The following CCDC7 variants were observed in gnomAD, a reference collection of about 807,000 sequenced individuals.
The protein encoded by CCDC7 is coiled-coil domain containing 7.
In CCDC7, 183 loss-of-function variants were observed where a neutral mutation model predicts 196.9. The observed-to-expected ratio is 0.93, with a 90% CI of 0.82 to 1.05. The LOEUF (loss-of-function observed/expected upper bound fraction) is 1.05. CCDC7 is among the 50% of genes least tolerant of loss of function. CCDC7 has a pLI of 0.00. For missense variants in CCDC7, 1,540 were observed against 1,482.2 expected, an observed-to-expected ratio of 1.04 and a Z score of -0.64; for synonymous variants, 525 against 484.6, an observed-to-expected ratio of 1.08 and a Z score of -1.10.
chr10:32,850,947 C>T (rs887465921), intron 39 of CCDC7, among the ~76,000 whole-genome samples: 3 of 151,992 alleles, frequency 2.0e-5, no homozygotes, highest in Non-Finnish European at 2.9e-5. Context: ...ACCTATTTCA[C>T]CCTTCAATAG....
At position 32,505,922 on chromosome 10, in the gene CCDC7, G is replaced by A. The variant is rs189377609; in HGVS notation, c.873-12023G>A. On this transcript the variant is annotated intron_variant, in intron 9 of 41. Transcript: ENST00000639629. ...CTCCTTGCCTCCCAGACAGGGTGGC[G>A]GCCGGGCAGAGGTGCTCCTCACATC... 2.6e-3 allele frequency among the ~76,000 whole-genome samples: 380 copies of A among 148,314 alleles called. 9 individuals carry two copies. The East Asian group carries it at 0.057, about 22-fold the overall frequency.
intron 28 of CCDC7, among the ~76,000 whole-genome samples, chr10:32,761,504 A>G (rs1317435017): frequency 2.0e-5 from 3 of 151,996 alleles, no homozygotes; most frequent in African/African-American, 4.8e-5. Flanking sequence ...TACTCTTATT[A>G]TGTTAGACAA....
At chr10:32,747,916 T>G (rs1488788717) in intron 28 of CCDC7, among the ~76,000 whole-genome samples, 1 of 152,196 alleles carries the variant, frequency 6.6e-6, no homozygotes, top group Admixed American at 6.5e-5. Context: ...TGCATGTGCA[T>G]GTTCATCACA....
chr10:32,565,753 A>G (rs1368946072), intron 14 of CCDC7, 133 bp downstream of exon 15: 2 of 877,820 alleles, frequency 2.3e-6, no homozygotes, highest in African/African-American at 1.7e-5. Context: ...GGTTTAAACT[A>G]TATTCATTTT....
At chr10:32,475,764 C>T (rs1241754766) in intron 8 of CCDC7, among the ~76,000 whole-genome samples, 1 of 152,166 alleles carries the variant, frequency 6.6e-6, no homozygotes, top group South Asian at 2.1e-4. Flanking sequence ...ATCCTCTCTT[C>T]CCTTCCTGTT....
intron 18 of CCDC7, among the ~76,000 whole-genome samples, chr10:32,608,646 T>A (rs2061778260): frequency 6.6e-6 from 1 of 152,142 alleles, no homozygotes; most frequent in Non-Finnish European, 1.5e-5. Flanking sequence ...GCTGAAGCAA[T>A]TCTCTTGCCT....
At chr10:32,493,786 T>A (rs1265745578) in intron 9 of CCDC7, among the ~76,000 whole-genome samples, 1 of 152,170 alleles carries the variant, frequency 6.6e-6, no homozygotes, top group Non-Finnish European at 1.5e-5. Flanking sequence ...TACTTTTCCT[T>A]GATGATTAGT....
At chr10:32,602,814 G>A (rs2061198104) in intron 18 of CCDC7, among the ~76,000 whole-genome samples, 1 of 151,900 alleles carries the variant, frequency 6.6e-6, no homozygotes, top group Non-Finnish European at 1.5e-5. Flanking sequence ...TCTTTTTTTA[G>A]CTTGTAAATG....
chr10:32,560,277 A>G (rs932968864), intron 13 of CCDC7, among the ~76,000 whole-genome samples: 27 of 152,242 alleles, frequency 1.8e-4, no homozygotes, highest in Non-Finnish European at 4.4e-5. Context: ...AACTTCCCCA[A>G]TCTAGCAAGG....
At chr10:32,683,693 C>T (rs2076124828) in intron 21 of CCDC7, among the ~76,000 whole-genome samples, 1 of 152,128 alleles carries the variant, frequency 6.6e-6, no homozygotes, top group Non-Finnish European at 1.5e-5. Flanking sequence ...ATCTTTCACC[C>T]TGCTGGTGAG....
chr10:32,736,688 A>T (rs2084926148), intron 28 of CCDC7, among the ~76,000 whole-genome samples: 2 of 152,190 alleles, frequency 1.3e-5, no homozygotes, highest in Admixed American at 6.5e-5. Flanking sequence ...TGTGAATAGT[A>T]TTGTGTGTTT....
intron 32 of CCDC7, among the ~76,000 whole-genome samples, chr10:32,831,968 AT>A (rs1477877319): frequency 2.6e-5 from 4 of 152,334 alleles, no homozygotes; most frequent in Middle Eastern, 6.8e-3. Context: ...ACTTTTATAT[AT>A]CTGGCAGCAG....
chr10:32,548,436 A>G (rs1424289589), intron 13 of CCDC7, among the ~76,000 whole-genome samples: 1 of 151,958 alleles, frequency 6.6e-6, no homozygotes, highest in African/African-American at 2.4e-5. Flanking sequence ...CCAGGGAAAC[A>G]TATGTGAACT....
intron 21 of CCDC7, among the ~76,000 whole-genome samples, chr10:32,671,005 T>C (rs920652903): frequency 5.3e-5 from 8 of 151,876 alleles, no homozygotes; most frequent in African/African-American, 1.9e-4. Flanking sequence ...TACAAAAGAG[T>C]AAAAAAGTAA....
intron 23 of CCDC7, among the ~76,000 whole-genome samples, chr10:32,694,310 G>T (rs1229502105): frequency 6.6e-6 from 1 of 151,894 alleles, no homozygotes; most frequent in Non-Finnish European, 1.5e-5. Context: ...AAGTGTTTTG[G>T]GTCTTTATTT....
intron 16 of CCDC7, among the ~76,000 whole-genome samples, chr10:32,582,204 T>A (rs934816001): frequency 6.7e-6 from 1 of 148,396 alleles, no homozygotes; most frequent in African/African-American, 2.5e-5. Context: ...ACTTTGCAGT[T>A]CAAAATTCAT....
At chr10:32,562,230 G>T (rs2055835684) in intron 13 of CCDC7, among the ~76,000 whole-genome samples, 1 of 152,132 alleles carries the variant, frequency 6.6e-6, no homozygotes, top group South Asian at 2.1e-4. Context: ...GTACAAGGAG[G>T]AATTGGTGCC....
At chr10:32,755,931 A>G (rs937094356) in intron 28 of CCDC7, among the ~76,000 whole-genome samples, 2 of 152,212 alleles carry the variant, frequency 1.3e-5, no homozygotes, top group Admixed American at 1.3e-4. Context: ...TGGAGCAGAA[A>G]ACCATGGCAC....
At chr10:32,520,117 G>A (rs544768135) in intron 11 of CCDC7, among the ~76,000 whole-genome samples, 41 of 152,022 alleles carry the variant, frequency 2.7e-4, no homozygotes, top group Admixed American at 6.6e-4. Context: ...CCAGTCATAC[G>A]CTGATGGACA....
Sources: gnomAD v4.1 joint callset for allele counts (sites outside exome capture counted in the v4.1 genomes callset) on GRCh38, gnomAD v4.1.1 for gene constraint, MANE v1.5 for transcripts, NCBI Gene and HGNC (gene_info 2026-07-23, HGNC 2026-07-21) for gene names.